The following NELL1 variants were observed in gnomAD, a reference collection of about 807,000 sequenced individuals.
NELL1 encodes neural EGFL like 1.
A neutral mutation model predicts 107.4 loss-of-function variants in NELL1; 76 were observed. That is an observed-to-expected ratio of 0.71 (90% CI 0.59 to 0.86). The LOEUF (loss-of-function observed/expected upper bound fraction) is 0.86. Among genes scored for constraint, NELL1 ranks in the 40% least tolerant of loss-of-function variants. NELL1 has a pLI of 0.00. For missense variants in NELL1, 1,024 were observed against 1,005.5 expected (o/e 1.02, Z -0.25); for synonymous variants, 353 against 341.2 (o/e 1.03, Z -0.38).
intron 14 of NELL1, among the ~76,000 whole-genome samples, chr11:21,255,099 T>C (rs1236798419): frequency 2.6e-5 from 4 of 152,060 alleles, no homozygotes; most frequent in African/African-American, 9.7e-5. Context: ...CTGAGGCCTT[T>C]AATGGAGCCA....
intron 5 of NELL1, among the ~76,000 whole-genome samples, chr11:20,907,203 AT>A (rs1455605543): frequency 7.2e-6 from 1 of 138,586 alleles, no homozygotes; most frequent in East Asian, 2.2e-4. Context: ...ATGGGCTTGC[AT>A]TTTACAATGG....
At chr11:20,791,708 G>A (rs1048642674) in intron 3 of NELL1, among the ~76,000 whole-genome samples, 1 of 148,472 alleles carries the variant, frequency 6.7e-6, no homozygotes, top group African/African-American at 2.5e-5. Flanking sequence ...GATTTTCACA[G>A]GTACTCTTCA....
chr11:21,061,404 A>G (rs1435070424), intron 12 of NELL1, among the ~76,000 whole-genome samples: 1 of 152,208 alleles, frequency 6.6e-6, no homozygotes, highest in African/African-American at 2.4e-5. Flanking sequence ...TTTCAGTAGA[A>G]CTTTGAAGGG....
intron 2 of NELL1, among the ~76,000 whole-genome samples, chr11:20,754,739 A>G (rs1856220438): frequency 6.6e-6 from 1 of 152,248 alleles, no homozygotes; most frequent in South Asian, 2.1e-4. Flanking sequence ...CCTTATACTG[A>G]CATTAAAATA....
At chr11:21,553,605 A>G (rs1856640642) in intron 16 of NELL1, among the ~76,000 whole-genome samples, 1 of 151,792 alleles carries the variant, frequency 6.6e-6, no homozygotes, top group Admixed American at 6.6e-5. Context: ...AAATTTTACC[A>G]AAGAGAAGCC....
At chr11:21,107,902 T>C (rs1855008782) in intron 12 of NELL1, among the ~76,000 whole-genome samples, 1 of 152,168 alleles carries the variant, frequency 6.6e-6, no homozygotes, top group Non-Finnish European at 1.5e-5. Flanking sequence ...AACTTGACTC[T>C]TAACTGTCAA....
chr11:21,020,000 A>G (rs1427756171), intron 12 of NELL1, among the ~76,000 whole-genome samples: 1 of 152,130 alleles, frequency 6.6e-6, no homozygotes, highest in Admixed American at 6.6e-5. Context: ...TAGAATGTCT[A>G]CTTTGAATCC....
intron 13 of NELL1, among the ~76,000 whole-genome samples, chr11:21,146,280 TA>T (rs35270030): frequency 0.22 from 33,460 of 151,092 alleles, 3,843 homozygotes; most frequent in Middle Eastern, 0.31. Flanking sequence ...TGACCAATGA[TA>T]AAGGGCCACT....
intron 2 of NELL1, among the ~76,000 whole-genome samples, chr11:20,712,709 G>A (rs905809749): frequency 6.6e-6 from 1 of 152,196 alleles, no homozygotes; most frequent in Non-Finnish European, 1.5e-5. Flanking sequence ...TACGGATGGG[G>A]CTTACTGAGA....
intron 14 of NELL1, among the ~76,000 whole-genome samples, chr11:21,319,332 T>G (rs1849952783): frequency 6.6e-6 from 1 of 151,520 alleles, no homozygotes; most frequent in Non-Finnish European, 1.5e-5. Context: ...TGCACCACTA[T>G]GCACGGCTAA....
intron 14 of NELL1, among the ~76,000 whole-genome samples, chr11:21,313,028 A>T (rs1849783542): frequency 6.6e-6 from 1 of 151,018 alleles, no homozygotes; most frequent in African/African-American, 2.4e-5. Flanking sequence ...ATGAGCCAAG[A>T]TCATGCCACT....
chr11:21,484,457 T>G (rs1289664082), intron 15 of NELL1, among the ~76,000 whole-genome samples: 1 of 152,034 alleles, frequency 6.6e-6, no homozygotes, highest in Non-Finnish European at 1.5e-5. Flanking sequence ...CTTACATTTA[T>G]TCTTCCACAT....
rs56048576 is a variant in NELL1 at position 20,992,709 on chromosome 11, A to ATTTTTT, written c.1300+32166_1300+32171dup. Among the ~76,000 whole-genome samples, 783 of 114,442 alleles carry ATTTTTT rather than the reference A, an allele frequency of 6.8e-3. 31 individuals carry two copies. The highest frequency in any genetic ancestry group is 8.1e-3 in the African/African-American group (248 of 30,492). 75.1% of individuals were successfully genotyped at this position (114,442 alleles called of 152,430 possible). A position where few individuals can be genotyped will look rare whatever the true frequency, so the allele number is the denominator to read the frequency against. On this transcript the variant is annotated intron_variant, in intron 12 of 19. Transcript: ENST00000357134. ...TGCTACTTCCCTAGGCAAAAGTGGC[A>ATTTTTT]TTTTTTTTTTTTTTTTTTTTTTGAA... is the stretch of plus-strand genomic sequence containing the variant.
chr11:21,211,782 G>A (rs900404848), intron 13 of NELL1, among the ~76,000 whole-genome samples: 7 of 152,004 alleles, frequency 4.6e-5, no homozygotes, highest in African/African-American at 1.2e-4. Flanking sequence ...TATCAAGAAT[G>A]AATAATAACT....
At chr11:21,459,174 G>C (rs77842347) in intron 15 of NELL1, among the ~76,000 whole-genome samples, 1 of 152,002 alleles carries the variant, frequency 6.6e-6, no homozygotes, top group East Asian at 1.9e-4. Flanking sequence ...GGACATTGAG[G>C]GGACTTGACC....
chr11:20,714,188 T>G (rs1590227426), intron 2 of NELL1, among the ~76,000 whole-genome samples: 1 of 130,354 alleles, frequency 7.7e-6, no homozygotes, highest in Non-Finnish European at 1.7e-5. Flanking sequence ...ATCTGCTATC[T>G]CCCCGATTTT....
At chr11:21,531,330 A>T (rs1174193267) in intron 15 of NELL1, among the ~76,000 whole-genome samples, 3 of 152,166 alleles carry the variant, frequency 2.0e-5, no homozygotes, top group African/African-American at 7.2e-5. Context: ...GAATAAATGT[A>T]TTATCTTTCT....
At chr11:20,774,500 A>G (rs1856710398) in intron 2 of NELL1, among the ~76,000 whole-genome samples, 1 of 151,142 alleles carries the variant, frequency 6.6e-6, no homozygotes, top group Non-Finnish European at 1.5e-5. Context: ...TGAGTAGCTG[A>G]GATTACAGGC....
At chr11:21,445,552 G>A (rs1452562293) in intron 15 of NELL1, among the ~76,000 whole-genome samples, 2 of 152,066 alleles carry the variant, frequency 1.3e-5, no homozygotes, top group South Asian at 2.1e-4. Context: ...GGCTGGTCTC[G>A]AACTCCTGAC....
Sources: gnomAD v4.1 joint callset for allele counts (sites outside exome capture counted in the v4.1 genomes callset) on GRCh38, gnomAD v4.1.1 for gene constraint, MANE v1.5 for transcripts, NCBI Gene and HGNC (gene_info 2026-07-23, HGNC 2026-07-21) for gene names.